ASXL3: variants seen among roughly 807,000 people sequenced by gnomAD.
ASXL3 encodes the protein ASXL transcriptional regulator 3.
ASXL3 carries 34 observed loss-of-function variants against 170.6 expected under a neutral mutation model. That is an observed-to-expected ratio of 0.20 (90% CI 0.15 to 0.27). The LOEUF is 0.27. Ranked by LOEUF, ASXL3 falls within the 10% of genes least tolerant of loss-of-function variation. ASXL3 has a pLI of 1.00. For missense variants in ASXL3, 2,592 were observed against 2,695.3 expected, an observed-to-expected ratio of 0.96 and a Z score of 0.85; for synonymous variants, 1,002 against 989.1, an observed-to-expected ratio of 1.01 and a Z score of -0.24.
intron 2 of ASXL3, among the ~76,000 whole-genome samples, chr18:33,620,002 C>A (rs1199684093): frequency 2.6e-5 from 4 of 152,208 alleles, no homozygotes; most frequent in Middle Eastern, 3.4e-3. Flanking sequence ...TGACTGCATC[C>A]TTTAGGAAGT....
chr18:33,674,025 G>A (rs2066388479), intron 7 of ASXL3, among the ~76,000 whole-genome samples: 1 of 152,142 alleles, frequency 6.6e-6, no homozygotes, highest in South Asian at 2.1e-4. Flanking sequence ...TTTGACATAA[G>A]TTATGTCTTT....
chr18:33,581,463 G>C (rs1481906704), intron 1 of ASXL3, among the ~76,000 whole-genome samples: 1 of 149,866 alleles, frequency 6.7e-6, no homozygotes, highest in Non-Finnish European at 1.5e-5. Flanking sequence ...TATCTTTCTT[G>C]CTGGAGTGAG....
intron 2 of ASXL3, among the ~76,000 whole-genome samples, chr18:33,643,885 G>A (rs1009002979): frequency 2.2e-4 from 33 of 151,764 alleles, no homozygotes; most frequent in Admixed American, 5.3e-4. Flanking sequence ...TGAGTGTAGT[G>A]GGGTTAGGGC....
At chr18:33,624,155 C>T (rs1252636507) in intron 2 of ASXL3, among the ~76,000 whole-genome samples, 1 of 152,024 alleles carries the variant, frequency 6.6e-6, no homozygotes, top group Non-Finnish European at 1.5e-5. Context: ...GAGGCCTTGT[C>T]TCAAAAATAA....
At chr18:33,694,067 A>G (rs1320744697) in intron 8 of ASXL3, among the ~76,000 whole-genome samples, 2 of 152,194 alleles carry the variant, frequency 1.3e-5, no homozygotes, top group Non-Finnish European at 2.9e-5. Flanking sequence ...TCTTGACCAC[A>G]GCATTTTGGC....
Position 33,746,020 on chromosome 18 carries a change from C to T in ASXL3, c.6172C>T (p.Pro2058Ser). 6.2e-7 allele frequency: 1 copy of T among 1,607,760 alleles called. No individual in the cohort carries two copies. Among genetic ancestry groups the T allele is most frequent in the Non-Finnish European group, 8.5e-7 (1 of 1,177,384 alleles). The change falls in exon 12 of 12, where the codon CCA (proline) becomes TCA (serine). Residue 2058 changes from proline to serine, a missense_variant. By Grantham distance (74) the Pro-to-Ser change is moderately conservative. Transcript: ENST00000269197. ...AEVPSDQKQPPVTMETTKRLS... is the reference protein window; with the variant it reads ...AEVPSDQKQPSVTMETTKRLS... ...AGTCCCATCTGATCAAAAACAACCT[C>T]CAGTTACCATGGAAACCACTAAGAG... is the stretch of plus-strand genomic sequence containing the variant.
chr18:33,739,985 A>T lies in ASXL3; in HGVS notation c.2581A>T (p.Ile861Leu). Residue 861 changes from isoleucine (I) to leucine (L), a missense_variant, in exon 11 of 12, where the codon ATA (isoleucine) becomes TTA (leucine). Ile to Leu is a conservative substitution (Grantham distance 5, BLOSUM62 2). Around this residue, in one of 4 missense-constraint regions of ASXL3, gnomAD observed 2,246 missense variants for 2,219.6 expected, o/e 1.01. Coordinates refer to ENST00000269197, the MANE Select transcript of ASXL3 (RefSeq NM_030632.3). ...TCCAGAACTTGCTTCTACTGAAATG[A>T]TAAAAGTTAAAAATCATAGCGTCCT... ...SIPELASTEM[I>L]KVKNHSVLQR... 1 of 1,613,972 alleles carries T rather than the reference A, an allele frequency of 6.2e-7. No homozygotes were observed. Among genetic ancestry groups the T allele is most frequent in the South Asian group, 1.1e-5 (1 of 91,084 alleles).
chr18:33,658,523 T>G (rs750041495), intron 4 of ASXL3, among the ~76,000 whole-genome samples: 8 of 152,170 alleles, frequency 5.3e-5, no homozygotes, highest in Non-Finnish European at 1.0e-4. Context: ...GCACACTGAT[T>G]GAAGCCTATG....
chr18:33,636,734 A>G (rs2065772302), intron 2 of ASXL3, among the ~76,000 whole-genome samples: 1 of 152,040 alleles, frequency 6.6e-6, no homozygotes, highest in African/African-American at 2.4e-5. Flanking sequence ...CTGTTGGGTA[A>G]TATAATGCAG....
At chr18:33,717,554 T>C (rs1344150078) in intron 8 of ASXL3, among the ~76,000 whole-genome samples, 2 of 152,120 alleles carry the variant, frequency 1.3e-5, no homozygotes, top group Non-Finnish European at 2.9e-5. Context: ...TGGAGCATCT[T>C]CAGACAGCTG....
At chr18:33,647,731 C>A (rs542453800) in intron 4 of ASXL3, among the ~76,000 whole-genome samples, 226 of 152,086 alleles carry the variant, frequency 1.5e-3, no homozygotes, top group African/African-American at 5.2e-3. Flanking sequence ...GCAGTTACAG[C>A]AGTGAAAAAC....
At chr18:33,692,005 T>C (rs1454218054) in intron 8 of ASXL3, among the ~76,000 whole-genome samples, 3 of 152,224 alleles carry the variant, frequency 2.0e-5, no homozygotes, top group Non-Finnish European at 4.4e-5. Flanking sequence ...AACCCAACTT[T>C]TTCCAAGTAA....
At chr18:33,713,963 T>C (rs1415972213) in intron 8 of ASXL3, among the ~76,000 whole-genome samples, 1 of 152,194 alleles carries the variant, frequency 6.6e-6, no homozygotes, top group Admixed American at 6.5e-5. Flanking sequence ...CAAGTCATCA[T>C]AGTGGGTGTT....
intron 10 of ASXL3, among the ~76,000 whole-genome samples, chr18:33,737,095 C>T (rs762384294): frequency 2.6e-5 from 4 of 151,990 alleles, no homozygotes; most frequent in Non-Finnish European, 4.4e-5. Flanking sequence ...TTCTGATACT[C>T]TCAGTATAGT....
chr18:33,636,305 TCAACAACAACAA>T (rs367963281), intron 2 of ASXL3, among the ~76,000 whole-genome samples: 6,373 of 110,714 alleles, frequency 0.058, 180 homozygotes, highest in South Asian at 0.12. Context: ...AACCACTGAT[TCAACAACAACAA>T]CAACAACAAC....
intron 8 of ASXL3, among the ~76,000 whole-genome samples, chr18:33,689,225 C>T (rs2066648479): frequency 6.6e-6 from 1 of 152,126 alleles, no homozygotes; most frequent in Non-Finnish European, 1.5e-5. Flanking sequence ...AACTCCTGAC[C>T]TCAGGTGATC....
intron 5 of ASXL3, among the ~76,000 whole-genome samples, chr18:33,666,092 A>G (rs902368792): frequency 6.6e-6 from 1 of 152,186 alleles, no homozygotes; most frequent in Non-Finnish European, 1.5e-5. Flanking sequence ...CATTATACAT[A>G]TGACCGGCTT....
rs532170870 is a variant in ASXL3, at chr18:33,731,285, C to T, written c.880-683C>T. Among the ~76,000 whole-genome samples, 19 of 152,122 alleles carry T rather than the reference C, an allele frequency of 1.2e-4. No individual in the cohort carries two copies. The East Asian group carries it at 3.5e-3, about 28-fold the overall frequency. On this transcript the variant is annotated intron_variant, in intron 8 of 11. Transcript: ENST00000269197. Reference sequence around the variant, plus strand: ...AATTAGTGCTTAGGATATATGAATTCTATATGTGGAAGTAACAGGAAATCT... The same window carrying T: ...AATTAGTGCTTAGGATATATGAATTTTATATGTGGAAGTAACAGGAAATCT...
chr18:33,713,678 A>T (rs1240230275), intron 8 of ASXL3, among the ~76,000 whole-genome samples: 1 of 152,226 alleles, frequency 6.6e-6, no homozygotes, highest in Non-Finnish European at 1.5e-5. Context: ...ATGTTGACAT[A>T]ACGGGGCGTA....
Sources: gnomAD v4.1 joint callset for allele counts (sites outside exome capture counted in the v4.1 genomes callset) on GRCh38, gnomAD v4.1.1 for gene constraint, gnomAD v4.1.1 regional missense constraint, MANE v1.5 for transcripts, NCBI Gene and HGNC (gene_info 2026-07-23, HGNC 2026-07-21) for gene names.